The following JPH3 variants were observed in gnomAD, a reference collection of about 807,000 sequenced individuals.
JPH3 encodes junctophilin-3.
A neutral mutation model predicts 59.6 loss-of-function variants in JPH3; 11 were observed. The observed-to-expected ratio is 0.18, with a 90% CI of 0.12 to 0.31. The LOEUF (loss-of-function observed/expected upper bound fraction) is 0.31. Among genes scored for constraint, JPH3 ranks in the 10% least tolerant of loss-of-function variants. The pLI, the probability that JPH3 is intolerant of heterozygous loss-of-function variation, is 1.00. For missense variants in JPH3, 1,202 were observed against 1,105.7 expected (o/e 1.09, Z -1.24); for synonymous variants, 673 against 483.6 (o/e 1.39, Z -5.14).
chr16:87,632,931 C>T (rs985137791), intron 1 of JPH3, among the ~76,000 whole-genome samples: 6 of 151,750 alleles, frequency 4.0e-5, no homozygotes, highest in Non-Finnish European at 2.9e-5. Flanking sequence ...CAGGGTCTTG[C>T]TGTGTTGCCC....
intron 1 of JPH3, among the ~76,000 whole-genome samples, chr16:87,624,901 G>C (rs2031314581): frequency 6.6e-6 from 1 of 152,220 alleles, no homozygotes; most frequent in South Asian, 2.1e-4. Context: ...TCGGGTTCAA[G>C]GGATTCTCCT....
intron 1 of JPH3, among the ~76,000 whole-genome samples, chr16:87,623,840 A>G (rs569473599): frequency 1.9e-3 from 286 of 152,368 alleles, no homozygotes; most frequent in Non-Finnish European, 3.5e-3. Flanking sequence ...TGGGGACCAC[A>G]TGCCCAGCTG....
At chr16:87,635,191 GTTCACCT>G (rs1186198965) in intron 1 of JPH3, among the ~76,000 whole-genome samples, 20 of 152,156 alleles carry the variant, frequency 1.3e-4, no homozygotes, top group African/African-American at 4.8e-4. Flanking sequence ...CCAGCAAAGC[GTTCACCT>G]TGCCCCACCC....
intron 4 of JPH3, among the ~76,000 whole-genome samples, chr16:87,692,654 G>A (rs1308253414): frequency 1.3e-5 from 2 of 152,160 alleles, no homozygotes; most frequent in Non-Finnish European, 2.9e-5. Flanking sequence ...GGCAATTCAG[G>A]GTAAAGTCCC....
chr16:87,673,509 G>T (rs2033069684), intron 2 of JPH3, among the ~76,000 whole-genome samples: 1 of 152,166 alleles, frequency 6.6e-6, no homozygotes, highest in African/African-American at 2.4e-5. Context: ...TCTGAAGATG[G>T]ATTTGTGTGT....
In JPH3 at chr16:87,696,997, CCCGT is replaced by C. The variant is rs1446061827; in HGVS notation, c.*339_*342del. 2.9e-6 allele frequency: 1 copy of C among 343,192 alleles called. No homozygotes were observed. Among genetic ancestry groups the C allele is most frequent in the African/African-American group, 2.1e-5 (1 of 47,198 alleles). The allele number at this position is 343,192 out of a possible 1,614,324, so 21.3% of individuals were successfully genotyped here. A position where few individuals can be genotyped will look rare whatever the true frequency, so the allele number is the denominator to read the frequency against. ...GGACGTTGTCCTCGTGGTCACACGT[CCCGT>C]CTTGGGTGTGGATGGAGGGCAGCCC... is the stretch of plus-strand genomic sequence containing the variant. On this transcript the variant is annotated 3_prime_UTR_variant, in exon 5 of 5. Transcript: ENST00000284262.
chr16:87,691,860 C>T (rs942114824), intron 4 of JPH3, among the ~76,000 whole-genome samples: 6 of 152,112 alleles, frequency 3.9e-5, no homozygotes, highest in Admixed American at 6.5e-5. Context: ...TGTGCGCGCG[C>T]GGTTATTTTA....
intron 2 of JPH3, among the ~76,000 whole-genome samples, chr16:87,681,446 C>A (rs2033291613): frequency 7.8e-6 from 1 of 127,864 alleles, no homozygotes; most frequent in Non-Finnish European, 1.6e-5. Flanking sequence ...GGTGACAGTG[C>A]CGGGAGGTCA....
At position 87,658,985 on chromosome 16, in the gene JPH3, G is replaced by A. The variant is rs74525081; in HGVS notation, c.1160+13950G>A. Among the ~76,000 whole-genome samples the A allele has an allele frequency of 3.0e-3, 464 of 152,328 alleles. 12 individuals are homozygous for A. In the East Asian group the frequency reaches 0.041, roughly 14 times the overall value. Reference sequence around the variant, plus strand: ...GGGTGCAATTGCTGGAGGCGGGGTCGCAGCTGCAGACCTGGGCGGTCACTT... The same window carrying A: ...GGGTGCAATTGCTGGAGGCGGGGTCACAGCTGCAGACCTGGGCGGTCACTT... On this transcript the variant is annotated intron_variant, in intron 2 of 4. Coordinates refer to ENST00000284262, the MANE Select transcript of JPH3 (RefSeq NM_020655.4).
chr16:87,690,312 G>T lies in JPH3; in HGVS notation c.1952G>T (p.Gly651Val). The change falls in exon 4 of 5, where the codon GGG (glycine) becomes GTG (valine). Residue 651 changes from glycine to valine, a missense_variant. Transcript: ENST00000284262. ...DDHRPEDRGF[G>V]VQRLRSKAQN... is the part of the protein sequence containing the mutation. ...CACCGCCCCGAGGACCGGGGCTTCG[G>T]GGTGCAGAGACTGCGGTCCAAGGCC... 2 of 1,594,790 alleles carry T rather than the reference G, an allele frequency of 1.3e-6. No individual in the cohort carries two copies. The highest frequency in any genetic ancestry group is 2.3e-5 in the East Asian group (1 of 43,886).
At chr16:87,679,516 A>G (rs898464745) in intron 2 of JPH3, among the ~76,000 whole-genome samples, 2 of 152,200 alleles carry the variant, frequency 1.3e-5, no homozygotes, top group Non-Finnish European at 2.9e-5. Context: ...AGAGACTGTT[A>G]CCTAAGTTTC....
rs2030737817 is a variant in JPH3 at position 87,611,699 on chromosome 16, G to A, written c.382+8171G>A. 6.6e-6 allele frequency among the ~76,000 whole-genome samples: 1 copy of A among 152,138 alleles called. No individual in the cohort carries two copies. Among genetic ancestry groups the A allele is most frequent in the Non-Finnish European group, 1.5e-5 (1 of 68,032 alleles). On this transcript the variant is annotated intron_variant, in intron 1 of 4. Transcript: ENST00000284262. The surrounding 1 kb of genome is among the most constrained non-coding windows in gnomAD (Gnocchi z 4.5). The stretch of plus-strand genomic sequence containing the variant: ...GAGTGTTACAAGAACCACCTGGAAG[G>A]TGTGTCAAGACACAGATTTCCAGCC...
At chr16:87,636,409 G>A (rs2031748619) in intron 1 of JPH3, among the ~76,000 whole-genome samples, 1 of 152,246 alleles carries the variant, frequency 6.6e-6, no homozygotes, top group Non-Finnish European at 1.5e-5. Flanking sequence ...CGAGCTGATG[G>A]TGCAGGCGTG....
chr16:87,606,063 A>T (rs1555532992), intron 1 of JPH3, among the ~76,000 whole-genome samples: 1 of 152,186 alleles, frequency 6.6e-6, no homozygotes, highest in South Asian at 2.1e-4. Context: ...TGATTATGGC[A>T]CTGAGTGTCC....
At chr16:87,604,775 G>GT (rs2150818855) in intron 1 of JPH3, 1 of 641,390 alleles carries the variant, frequency 1.6e-6, no homozygotes, top group Non-Finnish European at 2.2e-6. Flanking sequence ...AGCAGGGTTC[G>GT]TTATTACCCG....
chr16:87,639,912 C>G (rs1288284148), intron 1 of JPH3, among the ~76,000 whole-genome samples: 4 of 152,232 alleles, frequency 2.6e-5, no homozygotes, highest in Non-Finnish European at 5.9e-5. Flanking sequence ...CCGATGCCTT[C>G]ACTTTTCAGC....
chr16:87,691,850 T>TGTGC (rs970638088), intron 4 of JPH3, among the ~76,000 whole-genome samples: 7 of 152,056 alleles, frequency 4.6e-5, no homozygotes, highest in African/African-American at 1.7e-4. Flanking sequence ...TGTGCGTGGC[T>TGTGC]GTGCGCGCGC....
At chr16:87,639,958 C>T (rs74042235) in intron 1 of JPH3, among the ~76,000 whole-genome samples, 24,450 of 152,192 alleles carry the variant, frequency 0.16, 2,452 homozygotes, top group South Asian at 0.32. Flanking sequence ...CTGGAGCATC[C>T]CTTGATGGAG....
intron 1 of JPH3, among the ~76,000 whole-genome samples, chr16:87,621,847 G>T (rs1464600541): frequency 6.6e-6 from 1 of 152,154 alleles, no homozygotes; most frequent in African/African-American, 2.4e-5. Flanking sequence ...TTCTCCTGTG[G>T]GTGCGTTGGT....
Sources: gnomAD v4.1 joint callset for allele counts (sites outside exome capture counted in the v4.1 genomes callset) on GRCh38, gnomAD v4.1.1 for gene constraint, Gnocchi (gnomAD v3.1) non-coding constraint, MANE v1.5 for transcripts, NCBI Gene and HGNC (gene_info 2026-07-23, HGNC 2026-07-21) for gene names.